The following LRRTM4 variants were observed in gnomAD, a reference collection of about 807,000 sequenced individuals.
LRRTM4 encodes the protein leucine rich repeat transmembrane neuronal 4, also known as leucine-rich repeat transmembrane neuronal protein 4.
In LRRTM4, 25 loss-of-function variants were observed where a neutral mutation model predicts 47.6. That is an observed-to-expected ratio of 0.53 (90% confidence interval 0.38 to 0.73). LRRTM4 has a LOEUF of 0.73. Among genes scored for constraint, LRRTM4 ranks in the 30% least tolerant of loss-of-function variants. LRRTM4 has a pLI of 0.00. For missense variants in LRRTM4, 638 were observed against 713.4 expected (o/e 0.89, Z 1.20); for synonymous variants, 311 against 269.5 (o/e 1.15, Z -1.51).
chr2:77,077,884 G>A (rs1413369818), intron 3 of LRRTM4, among the ~76,000 whole-genome samples: 1 of 152,114 alleles, frequency 6.6e-6, no homozygotes, highest in East Asian at 1.9e-4. Flanking sequence ...ATTAGCACAT[G>A]TCAAATAATT....
At chr2:77,175,281 A>G (rs1378026402) in intron 3 of LRRTM4, among the ~76,000 whole-genome samples, 1 of 151,968 alleles carries the variant, frequency 6.6e-6, no homozygotes, top group Non-Finnish European at 1.5e-5. Flanking sequence ...CATGTCTGAC[A>G]TAATGTAAAA....
intron 3 of LRRTM4, among the ~76,000 whole-genome samples, chr2:76,790,187 A>G (rs1674899111): frequency 6.6e-6 from 1 of 152,210 alleles, no homozygotes; most frequent in African/African-American, 2.4e-5. Context: ...AGCCTAGTCC[A>G]CTACACTTCT....
At chr2:77,402,827 A>C (rs73941280) in intron 3 of LRRTM4, among the ~76,000 whole-genome samples, 4,899 of 151,982 alleles carry the variant, frequency 0.032, 266 homozygotes, top group African/African-American at 0.11. Context: ...TTTTCAATTT[A>C]CATCCCGAAA....
chr2:77,031,379 G>C (rs1253644088), intron 3 of LRRTM4, among the ~76,000 whole-genome samples: 3 of 151,930 alleles, frequency 2.0e-5, no homozygotes, highest in African/African-American at 7.3e-5. Context: ...ATCTACACAA[G>C]GTTTATTTTA....
intron 3 of LRRTM4, among the ~76,000 whole-genome samples, chr2:77,384,991 C>T (rs750400519): frequency 2.0e-5 from 3 of 151,868 alleles, no homozygotes; most frequent in Non-Finnish European, 2.9e-5. Context: ...CAGTTATAAC[C>T]GGAGTTATGT....
intron 3 of LRRTM4, among the ~76,000 whole-genome samples, chr2:77,084,953 A>C (rs1447232099): frequency 6.6e-6 from 1 of 152,196 alleles, no homozygotes; most frequent in Non-Finnish European, 1.5e-5. Flanking sequence ...AATTTCAAAA[A>C]TCTATTGTAA....
At chr2:77,218,758 T>C (rs1674533258) in intron 3 of LRRTM4, among the ~76,000 whole-genome samples, 1 of 152,152 alleles carries the variant, frequency 6.6e-6, no homozygotes, top group Admixed American at 6.6e-5. Context: ...AACAATATAG[T>C]AAGCTTTAAT....
At chr2:77,311,207 T>C (rs2104197695) in intron 3 of LRRTM4, among the ~76,000 whole-genome samples, 1 of 152,318 alleles carries the variant, frequency 6.6e-6, no homozygotes, top group Non-Finnish European at 1.5e-5. Context: ...TTTTCACTGG[T>C]AAGCAGAGGT....
chr2:77,266,515 A>C (rs1318328160), intron 3 of LRRTM4, among the ~76,000 whole-genome samples: 3 of 152,124 alleles, frequency 2.0e-5, no homozygotes, highest in Admixed American at 2.0e-4. Flanking sequence ...ATTTTAACTG[A>C]TGTTTTGGGG....
chr2:76,926,278 T>C (rs562677105), intron 3 of LRRTM4, among the ~76,000 whole-genome samples: 45 of 151,960 alleles, frequency 3.0e-4, no homozygotes, highest in Non-Finnish European at 5.4e-4. Flanking sequence ...AAAATAAGAC[T>C]ACAATAAATT....
chr2:77,008,485 T>TA (rs1487762182), intron 3 of LRRTM4, among the ~76,000 whole-genome samples: 3 of 152,324 alleles, frequency 2.0e-5, no homozygotes, highest in African/African-American at 7.2e-5. Context: ...TCACCACTGA[T>TA]ATGATATTGA....
chr2:77,029,189 C>G (rs1353362822), intron 3 of LRRTM4, among the ~76,000 whole-genome samples: 1 of 151,128 alleles, frequency 6.6e-6, no homozygotes, highest in Non-Finnish European at 1.5e-5. Context: ...TTGTATTAGT[C>G]AAGGTTCTCT....
chr2:77,039,055 T>C (rs1437708420), intron 3 of LRRTM4, among the ~76,000 whole-genome samples: 1 of 151,118 alleles, frequency 6.6e-6, no homozygotes, highest in Non-Finnish European at 1.5e-5. Flanking sequence ...GCTAACCATA[T>C]TTACAATATA....
At chr2:77,020,555 A>G (rs1439494902) in intron 3 of LRRTM4, among the ~76,000 whole-genome samples, 1 of 152,164 alleles carries the variant, frequency 6.6e-6, no homozygotes, top group Admixed American at 6.5e-5. Context: ...AAAATCATAG[A>G]TCTGACATTT....
intron 3 of LRRTM4, among the ~76,000 whole-genome samples, chr2:76,822,878 C>CT (rs1286560660): frequency 2.0e-5 from 3 of 151,350 alleles, no homozygotes; most frequent in Non-Finnish European, 4.4e-5. Context: ...TTGTTGAACT[C>CT]TTTCTCCAGT....
At chr2:76,917,906 C>G (rs1674307854) in intron 3 of LRRTM4, among the ~76,000 whole-genome samples, 1 of 152,128 alleles carries the variant, frequency 6.6e-6, no homozygotes, top group Non-Finnish European at 1.5e-5. Flanking sequence ...CTATCCCTCT[C>G]TTTTTATAGT....
intron 3 of LRRTM4, among the ~76,000 whole-genome samples, chr2:76,815,786 A>T (rs1391557557): frequency 6.6e-6 from 1 of 152,110 alleles, no homozygotes; most frequent in African/African-American, 2.4e-5. Context: ...GAATAGAATG[A>T]CATGGAATAA....
intron 3 of LRRTM4, among the ~76,000 whole-genome samples, chr2:76,982,870 T>C (rs1676658954): frequency 1.3e-5 from 2 of 152,024 alleles, no homozygotes; most frequent in African/African-American, 4.8e-5. Context: ...GGGCAGAGAG[T>C]CACAATTTAT....
At chr2:77,121,984 C>A (rs868848100) in intron 3 of LRRTM4, among the ~76,000 whole-genome samples, 34 of 151,758 alleles carry the variant, frequency 2.2e-4, no homozygotes, top group African/African-American at 7.5e-4. Flanking sequence ...CAATTACTTC[C>A]TAGGTTGCCA....
Sources: allele counts gnomAD v4.1 joint callset (sites outside exome capture counted in the v4.1 genomes callset), GRCh38; gene constraint gnomAD v4.1.1; transcripts MANE v1.5; gene names NCBI Gene and HGNC (gene_info 2026-07-23, HGNC 2026-07-21).